CHRM3: variants seen among roughly 807,000 people sequenced by gnomAD.
CHRM3 encodes the protein muscarinic acetylcholine receptor M3.
In CHRM3, 11 loss-of-function variants were observed where a neutral mutation model predicts 41.8. The observed-to-expected ratio is 0.26, with a 90% CI of 0.17 to 0.44. The LOEUF is 0.44. CHRM3 is among the 20% of genes least tolerant of loss of function. The probability of loss-of-function intolerance (pLI) is 1.00; values close to 1 mark genes in which losing one functional copy is unlikely to be tolerated. For missense variants in CHRM3, 571 were observed against 745.4 expected, an observed-to-expected ratio of 0.77 and a Z score of 2.72; for synonymous variants, 297 against 301.4, an observed-to-expected ratio of 0.99 and a Z score of 0.15.
intron 5 of CHRM3, among the ~76,000 whole-genome samples, chr1:239,732,803 G>GT (rs201157721): frequency 1.6e-3 from 77 of 47,804 alleles, no homozygotes; most frequent in Non-Finnish European, 1.9e-3. Flanking sequence ...ACTTAGATAA[G>GT]ATACCTAATA....
chr1:239,709,921 A>T lies in CHRM3; in HGVS notation c.-147+31633A>T, dbSNP rs551402655. On this transcript the variant is annotated intron_variant, in intron 5 of 6. Transcript: ENST00000676153. ...TATCCACATTATTTAAGTTAAAATG[A>T]TATTAATTGCTATTTGACATGAAGC... 5.3e-5 allele frequency among the ~76,000 whole-genome samples: 8 copies of T among 152,322 alleles called. No individual in the cohort carries two copies. The East Asian group carries it at 1.3e-3, about 26-fold the overall frequency.
At chr1:239,399,150 A>G (rs537397265) in intron 1 of CHRM3, among the ~76,000 whole-genome samples, 3 of 152,328 alleles carry the variant, frequency 2.0e-5, no homozygotes, top group East Asian at 1.9e-4. Context: ...ACTGCTGATA[A>G]TTATAATGAA....
intron 4 of CHRM3, among the ~76,000 whole-genome samples, chr1:239,647,459 TCTC>T (rs1436018170): frequency 1.3e-5 from 2 of 152,168 alleles, no homozygotes; most frequent in Non-Finnish European, 2.9e-5. Flanking sequence ...TTTTTTCCTC[TCTC>T]TTCTTCTTTT....
chr1:239,611,610 G>A (rs551500929), intron 3 of CHRM3, among the ~76,000 whole-genome samples: 49 of 151,892 alleles, frequency 3.2e-4, no homozygotes, highest in South Asian at 1.0e-3. Flanking sequence ...TAGTAGAGAT[G>A]GGGTTTCACC....
chr1:239,511,535 T>C (rs549474856), intron 2 of CHRM3, among the ~76,000 whole-genome samples: 1 of 152,302 alleles, frequency 6.6e-6, no homozygotes, highest in South Asian at 2.1e-4. Flanking sequence ...TTTGAAAAGA[T>C]TAGATATGTC....
chr1:239,817,401 G>T (rs1223378388), intron 5 of CHRM3, among the ~76,000 whole-genome samples: 1 of 151,872 alleles, frequency 6.6e-6, no homozygotes, highest in Admixed American at 6.6e-5. Flanking sequence ...GTATTTCATG[G>T]TCAGTTTGAT....
intron 1 of CHRM3, among the ~76,000 whole-genome samples, chr1:239,491,034 CTGACCCAT>C (rs1667519154): frequency 6.6e-6 from 1 of 152,114 alleles, no homozygotes; most frequent in Non-Finnish European, 1.5e-5. Context: ...GCTGTGGCTC[CTGACCCAT>C]TATTATTGTT....
chr1:239,729,662 C>T (rs1663777064), intron 5 of CHRM3, among the ~76,000 whole-genome samples: 1 of 151,856 alleles, frequency 6.6e-6, no homozygotes, highest in African/African-American at 2.4e-5. Flanking sequence ...ATTAATGTGA[C>T]TTTTTTGTAT....
chr1:239,437,852 G>T (rs950865711), intron 1 of CHRM3, among the ~76,000 whole-genome samples: 12 of 152,170 alleles, frequency 7.9e-5, no homozygotes, highest in African/African-American at 2.4e-4. Flanking sequence ...GTACTAAAAG[G>T]CCAAACTGTC....
At chr1:239,899,682 CTAAG>C (rs1343540392) in intron 6 of CHRM3, 1 of 151,870 alleles carries the variant, frequency 6.6e-6, no homozygotes, top group Non-Finnish European at 1.5e-5. Context: ...TATAAGTACA[CTAAG>C]TATATCGTAT....
At chr1:239,901,264 A>G (rs781131887) in intron 6 of CHRM3, among the ~76,000 whole-genome samples, 2 of 152,046 alleles carry the variant, frequency 1.3e-5, no homozygotes, top group Non-Finnish European at 2.9e-5. Flanking sequence ...CCTCCTTGGC[A>G]ACCATCACCA....
chr1:239,723,388 C>T (rs146099115), intron 5 of CHRM3, among the ~76,000 whole-genome samples: 1,530 of 151,928 alleles, frequency 0.01, 16 homozygotes, highest in Middle Eastern at 0.027. Context: ...GAAAGGTTAA[C>T]AATGTATATT....
intron 6 of CHRM3, among the ~76,000 whole-genome samples, chr1:239,850,804 G>A (rs1298605971): frequency 1.3e-5 from 2 of 152,102 alleles, no homozygotes; most frequent in African/African-American, 4.8e-5. Context: ...AGAAGGACGT[G>A]TTTTCTTCTT....
At chr1:239,401,448 C>A (rs1558192596) in intron 1 of CHRM3, among the ~76,000 whole-genome samples, 1 of 152,074 alleles carries the variant, frequency 6.6e-6, no homozygotes, top group African/African-American at 2.4e-5. Context: ...AGTTACCATT[C>A]TGTATTTTGT....
chr1:239,631,844 G>A (rs182785674), intron 3 of CHRM3, among the ~76,000 whole-genome samples: 5 of 152,324 alleles, frequency 3.3e-5, no homozygotes, highest in Non-Finnish European at 7.4e-5. Context: ...TAGCCAATTT[G>A]CTAAGAGAAG....
At chr1:239,506,333 GCA>G (rs1319395034) in intron 2 of CHRM3, among the ~76,000 whole-genome samples, 1 of 152,134 alleles carries the variant, frequency 6.6e-6, no homozygotes, top group African/African-American at 2.4e-5. Flanking sequence ...CCTGCTCTGT[GCA>G]GCCTAGGGAC....
intron 1 of CHRM3, among the ~76,000 whole-genome samples, chr1:239,409,128 A>T (rs943277191): frequency 1.3e-5 from 2 of 151,754 alleles, no homozygotes; most frequent in Non-Finnish European, 2.9e-5. Flanking sequence ...ATTTTCTTTT[A>T]TTTTTTCATT....
At chr1:239,704,068 C>T (rs1181746750) in intron 5 of CHRM3, 1 of 152,238 alleles carries the variant, frequency 6.6e-6, no homozygotes, top group Non-Finnish European at 1.5e-5. Flanking sequence ...CGGCTTTATC[C>T]AGCTTGGTGC....
At chr1:239,823,062 C>A (rs185433460) in intron 5 of CHRM3, among the ~76,000 whole-genome samples, 1 of 152,238 alleles carries the variant, frequency 6.6e-6, no homozygotes, top group East Asian at 1.9e-4. Flanking sequence ...TTTTACAAAC[C>A]AATGGTAGAC....
Sources: gnomAD v4.1 joint callset for allele counts (sites outside exome capture counted in the v4.1 genomes callset) on GRCh38, gnomAD v4.1.1 for gene constraint, MANE v1.5 for transcripts, NCBI Gene and HGNC (gene_info 2026-07-23, HGNC 2026-07-21) for gene names.